Variants in CFDP1 observed in about 807,000 individuals in gnomAD.
CFDP1 encodes heterochromatin-stabilizing protein CFDP1.
Under a neutral mutation model 40.1 loss-of-function variants are expected in CFDP1, and 31 were observed. The ratio of observed to expected loss-of-function variants is 0.77; its 90% CI spans 0.58 to 1.04. The LOEUF (loss-of-function observed/expected upper bound fraction) is 1.04, where lower values mean the gene tolerates loss of function less well. Ranked by LOEUF, CFDP1 falls within the 50% of genes least tolerant of loss-of-function variation. The pLI is 0.00. For synonymous variants in CFDP1, 167 were observed against 120.0 expected, an observed-to-expected ratio of 1.39 and a Z score of -2.56; for missense variants, 423 against 343.4, an observed-to-expected ratio of 1.23 and a Z score of -1.83.
chr16:75,350,012 G>A (rs1218015496), intron 5 of CFDP1, among the ~76,000 whole-genome samples: 1 of 151,834 alleles, frequency 6.6e-6, no homozygotes, highest in Non-Finnish European at 1.5e-5. Context: ...CATTAGTGGT[G>A]GGTTTTTCAT....
intron 1 of CFDP1, among the ~76,000 whole-genome samples, chr16:75,425,339 A>C (rs1324308872): frequency 1.4e-5 from 2 of 146,318 alleles, no homozygotes; most frequent in African/African-American, 5.1e-5. Flanking sequence ...GTGAGCAGAG[A>C]TCGCGCCACT....
chr16:75,310,283 T>A (rs909213858), intron 5 of CFDP1, among the ~76,000 whole-genome samples: 1 of 152,212 alleles, frequency 6.6e-6, no homozygotes, highest in African/African-American at 2.4e-5. Flanking sequence ...AGACACTTAT[T>A]TTCCAAGCTT....
At chr16:75,334,027 A>G (rs1404587868) in intron 5 of CFDP1, among the ~76,000 whole-genome samples, 1 of 152,226 alleles carries the variant, frequency 6.6e-6, no homozygotes, top group East Asian at 1.9e-4. Flanking sequence ...AGAGAGACCA[A>G]TTTAACTCTG....
intron 5 of CFDP1, among the ~76,000 whole-genome samples, chr16:75,383,178 C>G (rs1461285287): frequency 6.6e-6 from 1 of 152,068 alleles, no homozygotes; most frequent in Non-Finnish European, 1.5e-5. Context: ...TGGCAGAATC[C>G]AAAATTCAAG....
At chr16:75,363,174 T>A (rs2078691223) in intron 5 of CFDP1, 1 of 151,656 alleles carries the variant, frequency 6.6e-6, no homozygotes, top group East Asian at 1.9e-4. Flanking sequence ...TAAAAAAAAA[T>A]GCTATTTTGT....
chr16:75,367,805 A>AAAAC (rs2078725617), intron 5 of CFDP1, among the ~76,000 whole-genome samples: 1 of 150,968 alleles, frequency 6.6e-6, no homozygotes, highest in African/African-American at 2.4e-5. Flanking sequence ...AAAAAAAAAA[A>AAAAC]AAAAAACTTA....
chr16:75,361,266 C>T (rs2078677633), intron 5 of CFDP1, among the ~76,000 whole-genome samples: 1 of 152,220 alleles, frequency 6.6e-6, no homozygotes, highest in Non-Finnish European at 1.5e-5. Context: ...CCGCCACAGT[C>T]TCCCAAAGTG....
chr16:75,408,800 G>C (rs898107472), intron 4 of CFDP1, among the ~76,000 whole-genome samples: 3 of 151,788 alleles, frequency 2.0e-5, no homozygotes, highest in Non-Finnish European at 2.9e-5. Context: ...AAAAAAAATA[G>C]TGTTGATTCA....
intron 5 of CFDP1, chr16:75,324,631 T>C (rs989429515): frequency 2.4e-4 from 36 of 151,948 alleles, no homozygotes; most frequent in African/African-American, 8.7e-4. Flanking sequence ...TAATCTCAGC[T>C]ACTCGGGAGT....
chr16:75,384,530 G>A (rs1332926667), intron 5 of CFDP1, among the ~76,000 whole-genome samples: 1 of 152,108 alleles, frequency 6.6e-6, no homozygotes, highest in East Asian at 1.9e-4. Flanking sequence ...AATTGCTTCT[G>A]CCTATTTAGC....
chr16:75,336,708 T>A (rs750774591), intron 5 of CFDP1, among the ~76,000 whole-genome samples: 47 of 152,240 alleles, frequency 3.1e-4, no homozygotes, highest in Admixed American at 1.6e-3. Context: ...CCATAATTTA[T>A]TCAACAGTGG....
chr16:75,424,043 C>T (rs2079307864), intron 1 of CFDP1, among the ~76,000 whole-genome samples: 2 of 152,022 alleles, frequency 1.3e-5, no homozygotes, highest in South Asian at 4.1e-4. Context: ...CTGTAATCCA[C>T]CATATTAACA....
At chr16:75,430,675 G>A (rs1050220962) in intron 1 of CFDP1, among the ~76,000 whole-genome samples, 2 of 151,922 alleles carry the variant, frequency 1.3e-5, no homozygotes, top group Admixed American at 6.6e-5. Flanking sequence ...CGTTGGCCAG[G>A]CTGGTCTTGA....
chr16:75,412,935 T>C (rs1363525274), intron 2 of CFDP1, among the ~76,000 whole-genome samples, 181 bp from the exon 3 acceptor site: 1 of 150,600 alleles, frequency 6.6e-6, no homozygotes, highest in South Asian at 2.1e-4. Flanking sequence ...AAAAAAAGAA[T>C]TGAAAAAAAA....
intron 5 of CFDP1, among the ~76,000 whole-genome samples, chr16:75,327,924 G>A (rs924379462): frequency 1.3e-5 from 2 of 151,916 alleles, no homozygotes; most frequent in South Asian, 2.1e-4. Flanking sequence ...GAGATGGGGC[G>A]TCACCATGTT....
At chr16:75,408,124 A>G (rs544549310) in intron 4 of CFDP1, among the ~76,000 whole-genome samples, 1 of 145,516 alleles carries the variant, frequency 6.9e-6, no homozygotes, top group East Asian at 2.3e-4. Context: ...GGAAGGAAGG[A>G]AGGGAGAGAG....
chr16:75,343,051 T>C (rs568446305), intron 5 of CFDP1, among the ~76,000 whole-genome samples: 4 of 152,180 alleles, frequency 2.6e-5, no homozygotes, highest in Non-Finnish European at 4.4e-5. Context: ...CTGAGCTCCC[T>C]GGAAGAAAAC....
chr16:75,407,608 G>C (rs963144206), intron 4 of CFDP1, among the ~76,000 whole-genome samples: 1 of 143,452 alleles, frequency 7.0e-6, no homozygotes, highest in East Asian at 2.1e-4. Flanking sequence ...ACTGAGCCTC[G>C]TAGGTTGGTT....
intron 5 of CFDP1, among the ~76,000 whole-genome samples, chr16:75,320,443 TA>T (rs11450908): frequency 6.7e-6 from 1 of 150,050 alleles, no homozygotes; most frequent in Non-Finnish European, 1.5e-5. Context: ...GAAAACTAGT[TA>T]AAAAAAAAAG....
Sources: allele counts gnomAD v4.1 joint callset (sites outside exome capture counted in the v4.1 genomes callset), GRCh38; gene constraint gnomAD v4.1.1; transcripts MANE v1.5; gene names NCBI Gene and HGNC (gene_info 2026-07-23, HGNC 2026-07-21).